The following SCAMP4 variants were observed in gnomAD, a reference collection of about 807,000 sequenced individuals.
The protein encoded by SCAMP4 is secretory carrier-associated membrane protein 4.
A neutral mutation model predicts 32.1 loss-of-function variants in SCAMP4; 19 were observed. The ratio of observed to expected loss-of-function variants is 0.59; its 90% CI spans 0.41 to 0.87. The LOEUF is 0.87. Ranked by LOEUF, SCAMP4 falls within the 40% of genes least tolerant of loss-of-function variation. SCAMP4 has a pLI of 0.00. For synonymous variants in SCAMP4, 152 were observed against 132.7 expected, an observed-to-expected ratio of 1.15 and a Z score of -1.00; for missense variants, 302 against 309.0, an observed-to-expected ratio of 0.98 and a Z score of 0.17.
At chr19:1,907,770 C>A (rs925320201) in intron 1 of SCAMP4, among the ~76,000 whole-genome samples, 2 of 152,120 alleles carry the variant, frequency 1.3e-5, no homozygotes, top group African/African-American at 4.8e-5. Context: ...CGGTCGCCTG[C>A]CTTCTGGGTG....
chr19:1,914,188 G>A (rs1294733465), intron 1 of SCAMP4, among the ~76,000 whole-genome samples: 1 of 152,210 alleles, frequency 6.6e-6, no homozygotes, highest in Non-Finnish European at 1.5e-5. Flanking sequence ...AAGTCAGGGA[G>A]GAGGGAGTGA....
intron 1 of SCAMP4, chr19:1,913,228 C>T (rs1193809434): frequency 2.8e-6 from 4 of 1,453,430 alleles, no homozygotes; most frequent in East Asian, 2.5e-5. Context: ...GCCTCGATTT[C>T]TTCCGCACAA....
At chr19:1,917,913 G>GC in intron 3 of SCAMP4, 91 bp downstream of exon 3, 4 of 1,545,912 alleles carry the variant, frequency 2.6e-6, no homozygotes, top group Non-Finnish European at 3.5e-6. Flanking sequence ...CCCGTCGGGG[G>GC]CCCACCGTCT....
At chr19:1,920,823 G>T (rs758161160) in intron 5 of SCAMP4, 21 of 985,522 alleles carry the variant, frequency 2.1e-5, no homozygotes, top group Non-Finnish European at 2.5e-5. Context: ...CTGTGCCCGT[G>T]TTGGGTGGTC....
At position 1,918,374 on chromosome 19, in the gene SCAMP4, C is replaced by G. The variant is rs564720107; in HGVS notation, c.293+91C>G. On this transcript the variant is annotated intron_variant, in intron 4 of 6. Transcript: ENST00000316097. ...CCAGCCCAGCTGTGAGGAGCTGTCC[C>G]TTTCTCTGCCCAGTGTGAAAGACAG... 53 of 1,339,886 alleles carry G rather than the reference C, an allele frequency of 4.0e-5. 1 individual carries two copies. In the Admixed American group the frequency reaches 1.2e-3, roughly 31 times the overall value. 83.0% of individuals were successfully genotyped at this position (1,339,886 alleles called of 1,614,324 possible). A position where few individuals can be genotyped will look rare whatever the true frequency, so the allele number is the denominator to read the frequency against.
intron 1 of SCAMP4, chr19:1,906,605 C>T (rs924011577): frequency 6.6e-6 from 1 of 151,880 alleles, no homozygotes; most frequent in East Asian, 1.9e-4. Flanking sequence ...AATCCTAGCA[C>T]TTTGGGAGGC....
chr19:1,922,977 C>G, intron 5 of SCAMP4, 93 bp from the exon 6 acceptor site: 2 of 1,414,634 alleles, frequency 1.4e-6, no homozygotes, highest in Non-Finnish European at 1.8e-6. Context: ...GTTGATTGGC[C>G]AGAGCTCTTT....
At chr19:1,906,711 G>A (rs888820639) in intron 1 of SCAMP4, 1 of 152,118 alleles carries the variant, frequency 6.6e-6, no homozygotes, top group East Asian at 1.9e-4. Flanking sequence ...GCCAGGCATG[G>A]TGGTGGACGC....
chr19:1,919,857 T>C (rs1466641083), intron 5 of SCAMP4, among the ~76,000 whole-genome samples: 1 of 150,986 alleles, frequency 6.6e-6, no homozygotes, highest in Non-Finnish European at 1.5e-5. Flanking sequence ...TCACTCAGGC[T>C]GGGGTGCAGT....
At chr19:1,912,279 G>T in intron 1 of SCAMP4, 1 of 1,587,742 alleles carries the variant, frequency 6.3e-7, no homozygotes, top group African/African-American at 1.4e-5. Flanking sequence ...CCTCCTGAAG[G>T]AGGTGTCGGC....
Position 1,924,822 on chromosome 19 carries a change from T to C in SCAMP4, c.*538T>C, listed in dbSNP as rs933155375. ...GCTTGGTGCCTAGCTGAGTCCTCGC[T>C]GTCCCCGCCATCCCCTGATCTGTGC... On this transcript the variant is annotated 3_prime_UTR_variant, in exon 7 of 7. Coordinates refer to ENST00000316097, the MANE Select transcript of SCAMP4 (RefSeq NM_079834.4). 15 of 172,736 alleles carry C rather than the reference T, an allele frequency of 8.7e-5. No homozygotes were observed. Among genetic ancestry groups the C allele is most frequent in the Non-Finnish European group, 1.5e-4 (12 of 78,550 alleles). The allele number at this position is 172,736 out of a possible 1,614,324, so 10.7% of individuals were successfully genotyped here.
At position 1,912,587 on chromosome 19, in the gene SCAMP4, C is replaced by T. The variant is rs954652845; in HGVS notation, c.-41-2392C>T. 183 of 1,494,648 alleles carry T rather than the reference C, an allele frequency of 1.2e-4. No individual in the cohort carries two copies. The highest frequency in any genetic ancestry group is 3.1e-4 in the Admixed American group (14 of 45,764). The allele number at this position is 1,494,648 out of a possible 1,614,324, so 92.6% of individuals were successfully genotyped here. A position where few individuals can be genotyped will look rare whatever the true frequency, so the allele number is the denominator to read the frequency against. ...TGACCAGCGCCCTGGCTGGGCGGCTCTTCTCCACGCAGGAGCGCGCCGCCA... is the reference window on the plus strand; with the variant it reads ...TGACCAGCGCCCTGGCTGGGCGGCTTTTCTCCACGCAGGAGCGCGCCGCCA... On this transcript the variant is annotated intron_variant, in intron 1 of 6. Coordinates refer to ENST00000316097, the MANE Select transcript of SCAMP4 (RefSeq NM_079834.4).
At chr19:1,915,301 A>T in intron 2 of SCAMP4, 2 of 560,194 alleles carry the variant, frequency 3.6e-6, no homozygotes, top group East Asian at 3.0e-5. Context: ...CTCTTTCCTT[A>T]TAGCAGCGGG....
At chr19:1,912,941 C>T (rs1366360225) in intron 1 of SCAMP4, 3 of 1,610,234 alleles carry the variant, frequency 1.9e-6, no homozygotes, top group African/African-American at 2.7e-5. Flanking sequence ...GCACTGGCTA[C>T]GACCTGTACG....
At chr19:1,909,544 CTCACCTGTGCCAGTGGCTGGGATGTCT>C (rs1232958257) in intron 1 of SCAMP4, among the ~76,000 whole-genome samples, 1 of 151,996 alleles carries the variant, frequency 6.6e-6, no homozygotes, top group Non-Finnish European at 1.5e-5. Context: ...GCCTCCCGTC[CTCACCTGTGCCAGTGGCTGGGATGTCT>C]TCACCTGTGC....
At chr19:1,910,880 G>C (rs1269390678) in intron 1 of SCAMP4, among the ~76,000 whole-genome samples, 1 of 136,410 alleles carries the variant, frequency 7.3e-6, no homozygotes, top group Non-Finnish European at 1.6e-5. Flanking sequence ...TGGCTTTTTT[G>C]TTGTTTTTTG....
At chr19:1,921,469 G>T (rs1050000011) in intron 5 of SCAMP4, 1 of 985,274 alleles carries the variant, frequency 1.0e-6, no homozygotes, top group East Asian at 1.1e-4. Flanking sequence ...GGTGGGCCCC[G>T]CCAGGAATCG....
Position 1,921,264 on chromosome 19 carries a change from C to T in SCAMP4, c.396-1806C>T, listed in dbSNP as rs916427913. Reference sequence around the variant, plus strand: ...AGAGGCGACAGCCCCGCTCTCCCTGCCCCGGGCAGCTTCACCAGCGTCACC... The same window carrying T: ...AGAGGCGACAGCCCCGCTCTCCCTGTCCCGGGCAGCTTCACCAGCGTCACC... On this transcript the variant is annotated intron_variant, in intron 5 of 6. Coordinates refer to ENST00000316097, the MANE Select transcript of SCAMP4 (RefSeq NM_079834.4). The T allele has an allele frequency of 8.1e-6, 8 of 985,228 alleles. No homozygotes were observed. The African/African-American group carries it at 1.4e-4, about 17-fold the overall frequency. 61.0% of individuals were successfully genotyped at this position (985,228 alleles called of 1,614,324 possible).
At chr19:1,917,962 C>A (rs557506495) in intron 3 of SCAMP4, 140 bp downstream of exon 3, 3 of 1,370,480 alleles carry the variant, frequency 2.2e-6, no homozygotes, top group African/African-American at 1.4e-5. Flanking sequence ...CTGCGGTGAA[C>A]GAGGCTGGTG....
Sources: allele counts gnomAD v4.1 joint callset (sites outside exome capture counted in the v4.1 genomes callset), GRCh38; gene constraint gnomAD v4.1.1; transcripts MANE v1.5; gene names NCBI Gene and HGNC (gene_info 2026-07-23, HGNC 2026-07-21).